TMEM132B: variants seen among roughly 807,000 people sequenced by gnomAD.
The protein encoded by TMEM132B is transmembrane protein 132B.
Under a neutral mutation model 90.8 loss-of-function variants are expected in TMEM132B, and 18 were observed. The ratio of observed to expected loss-of-function variants is 0.20; its 90% CI spans 0.14 to 0.29. The LOEUF is 0.29. TMEM132B is among the 10% of genes least tolerant of loss of function. TMEM132B has a pLI of 1.00. For synonymous variants in TMEM132B, 504 were observed against 523.3 expected, an observed-to-expected ratio of 0.96 and a Z score of 0.50; for missense variants, 1,096 against 1,326.8, an observed-to-expected ratio of 0.83 and a Z score of 2.70.
intron 2 of TMEM132B, among the ~76,000 whole-genome samples, chr12:125,386,254 C>T (rs1020736269): frequency 2.6e-5 from 4 of 152,304 alleles, no homozygotes; most frequent in Non-Finnish European, 4.4e-5. Flanking sequence ...TTCCAAAGTG[C>T]TAGAATTACA....
chr12:125,253,805 A>G (rs1166909381), intron 1 of TMEM132B, among the ~76,000 whole-genome samples: 1 of 152,172 alleles, frequency 6.6e-6, no homozygotes, highest in East Asian at 1.9e-4. Context: ...CCAGAGCCCA[A>G]GAAAGTTACA....
Position 125,451,610 on chromosome 12 carries a change from G to T in TMEM132B, c.1106+35933G>T, listed in dbSNP as rs186124011. Among the ~76,000 whole-genome samples, 10 of 147,560 alleles carry T rather than the reference G, an allele frequency of 6.8e-5. No individual in the cohort carries two copies. The East Asian group carries it at 1.8e-3, about 27-fold the overall frequency. On this transcript the variant is annotated intron_variant, in intron 3 of 8. Transcript: ENST00000682704. ...GCTCCAGTATTACATTCCCCTGTGG[G>T]TCCAGTTCTGTGGTCTACTGTTTTT...
intron 4 of TMEM132B, among the ~76,000 whole-genome samples, chr12:125,527,151 C>A (rs1405683409): frequency 5.5e-4 from 78 of 141,072 alleles, no homozygotes; most frequent in Non-Finnish European, 1.1e-3. Context: ...TCTATCCACC[C>A]ATCCACCCAT....
intron 4 of TMEM132B, among the ~76,000 whole-genome samples, chr12:125,527,213 TCCATCCAC>T (rs1883498667): frequency 1.6e-5 from 1 of 64,004 alleles, no homozygotes; most frequent in African/African-American, 6.3e-5. Context: ...CTTCCATCCA[TCCATCCAC>T]CCATCCACCC....
intron 3 of TMEM132B, among the ~76,000 whole-genome samples, chr12:125,451,991 G>A (rs1881164696): frequency 6.6e-6 from 1 of 152,206 alleles, no homozygotes; most frequent in Admixed American, 6.5e-5. Flanking sequence ...TGAAAGATTT[G>A]TGAGGCTTCT....
intron 1 of TMEM132B, among the ~76,000 whole-genome samples, chr12:125,284,933 C>G (rs1399431883): frequency 2.0e-5 from 3 of 152,164 alleles, no homozygotes; most frequent in Non-Finnish European, 4.4e-5. Flanking sequence ...AACTACACAC[C>G]TACAATGTGC....
chr12:125,506,971 C>T (rs1344703498), intron 3 of TMEM132B, among the ~76,000 whole-genome samples: 2 of 152,238 alleles, frequency 1.3e-5, no homozygotes, highest in East Asian at 3.8e-4. Flanking sequence ...CTTTGCCATT[C>T]CAAACTTCTG....
At chr12:125,256,283 T>A (rs1874436832) in intron 1 of TMEM132B, among the ~76,000 whole-genome samples, 1 of 152,184 alleles carries the variant, frequency 6.6e-6, no homozygotes, top group African/African-American at 2.4e-5. Flanking sequence ...ATTCATATAT[T>A]TTTAATACAG....
intron 5 of TMEM132B, among the ~76,000 whole-genome samples, chr12:125,606,841 G>A (rs531743600): frequency 1.3e-5 from 2 of 152,316 alleles, no homozygotes; most frequent in South Asian, 2.1e-4. Flanking sequence ...AGGAGGGCAG[G>A]GAGGAGCTTC....
Position 125,656,147 on chromosome 12 carries a change from A to G in TMEM132B, c.*1437A>G, listed in dbSNP as rs575892300. The G allele has an allele frequency of 6.6e-6, 1 of 152,392 alleles. No individual in the cohort carries two copies. Among genetic ancestry groups the G allele is most frequent in the Admixed American group, 6.5e-5 (1 of 15,306 alleles). The allele number at this position is 152,392 out of a possible 1,614,324, so 9.4% of individuals were successfully genotyped here. A position where few individuals can be genotyped will look rare whatever the true frequency, so the allele number is the denominator to read the frequency against. Reference sequence around the variant, plus strand: ...AATGGTCTTAAGGCAAAAATTTCAGATTAGCAAAATGTGATGACATATTTA... The same window carrying G: ...AATGGTCTTAAGGCAAAAATTTCAGGTTAGCAAAATGTGATGACATATTTA... On this transcript the variant is annotated 3_prime_UTR_variant, in exon 9 of 9. Coordinates refer to ENST00000682704, the MANE Select transcript of TMEM132B (RefSeq NM_001366854.1).
chr12:125,222,993 A>C (rs1489970158), intron 1 of TMEM132B, among the ~76,000 whole-genome samples: 1 of 152,258 alleles, frequency 6.6e-6, no homozygotes, highest in Non-Finnish European at 1.5e-5. Flanking sequence ...CTGTAAATTC[A>C]GTGCAGATCA....
intron 2 of TMEM132B, among the ~76,000 whole-genome samples, chr12:125,367,446 A>G (rs1878168751): frequency 6.6e-6 from 1 of 152,176 alleles, no homozygotes; most frequent in African/African-American, 2.4e-5. Flanking sequence ...TGCATATACA[A>G]GATTCAATAT....
chr12:125,574,766 A>C (rs754459147), intron 4 of TMEM132B, among the ~76,000 whole-genome samples: 2 of 151,762 alleles, frequency 1.3e-5, no homozygotes, highest in Non-Finnish European at 2.9e-5. Context: ...TATTCTGCCA[A>C]ATTTTTTCTC....
chr12:125,613,170 TA>T (rs1885900357), intron 5 of TMEM132B, among the ~76,000 whole-genome samples: 7 of 123,674 alleles, frequency 5.7e-5, no homozygotes, highest in African/African-American at 1.9e-4. Flanking sequence ...ATTTATATAT[TA>T]TATATAAATA....
At chr12:125,368,809 A>AT (rs11404006) in intron 2 of TMEM132B, among the ~76,000 whole-genome samples, 10,883 of 151,582 alleles carry the variant, frequency 0.072, 482 homozygotes, top group Admixed American at 0.14. Flanking sequence ...TGGAAATACA[A>AT]TTTTTTTTTA....
chr12:125,398,065 G>A (rs370524927), intron 2 of TMEM132B, among the ~76,000 whole-genome samples: 4 of 152,140 alleles, frequency 2.6e-5, no homozygotes, highest in South Asian at 4.1e-4. Flanking sequence ...AGATATCATC[G>A]GCATTTGCAT....
At chr12:125,484,205 C>T (rs1456414022) in intron 3 of TMEM132B, among the ~76,000 whole-genome samples, 1 of 152,196 alleles carries the variant, frequency 6.6e-6, no homozygotes, top group East Asian at 1.9e-4. Context: ...TTGCTTACAC[C>T]TTACCCCTCT....
chr12:125,541,863 A>T (rs538942894), intron 4 of TMEM132B, among the ~76,000 whole-genome samples: 16 of 151,798 alleles, frequency 1.1e-4, no homozygotes, highest in East Asian at 3.9e-4. Flanking sequence ...ACTAAAAAAA[A>T]ATATATAAAA....
At chr12:125,571,032 A>G (rs989553299) in intron 4 of TMEM132B, among the ~76,000 whole-genome samples, 3 of 152,204 alleles carry the variant, frequency 2.0e-5, no homozygotes, top group Admixed American at 1.3e-4. Context: ...TATAAAATAT[A>G]TTTTTAAACA....
Sources: allele counts gnomAD v4.1 joint callset (sites outside exome capture counted in the v4.1 genomes callset), GRCh38; gene constraint gnomAD v4.1.1; transcripts MANE v1.5; gene names NCBI Gene and HGNC (gene_info 2026-07-23, HGNC 2026-07-21).